Variants in PDE10A observed in about 807,000 individuals in gnomAD.
The protein encoded by PDE10A is cAMP and cAMP-inhibited cGMP 3',5'-cyclic phosphodiesterase 10A.
Under a neutral mutation model 97.7 loss-of-function variants are expected in PDE10A, and 39 were observed. The observed-to-expected ratio is 0.40, with a 90% CI of 0.31 to 0.52. The LOEUF is 0.52. PDE10A is among the 20% of genes least tolerant of loss of function. PDE10A has a pLI of 0.56. For synonymous variants in PDE10A, 371 were observed against 376.8 expected (o/e 0.98, Z 0.18); for missense variants, 731 against 1,047.8 (o/e 0.70, Z 4.17).
At chr6:165,946,217 C>T (rs1299635791) in intron 1 of PDE10A, among the ~76,000 whole-genome samples, 1 of 152,312 alleles carries the variant, frequency 6.6e-6, no homozygotes, top group Admixed American at 6.5e-5. Flanking sequence ...ATATTGTCGG[C>T]CAGGCTCAGT....
intron 2 of PDE10A, among the ~76,000 whole-genome samples, chr6:165,493,836 CTAA>C (rs2128289568): frequency 6.6e-6 from 1 of 152,158 alleles, no homozygotes; most frequent in East Asian, 1.9e-4. Context: ...CTTCCTTAAA[CTAA>C]TAAGCTTCTG....
chr6:165,731,756 C>A (rs1184186772), intron 1 of PDE10A, among the ~76,000 whole-genome samples: 1 of 152,110 alleles, frequency 6.6e-6, no homozygotes, highest in Admixed American at 6.5e-5. Flanking sequence ...GTGAGTGCTC[C>A]AGAAGAGTTA....
At chr6:165,712,823 G>A (rs564764690) in intron 1 of PDE10A, among the ~76,000 whole-genome samples, 72 of 151,988 alleles carry the variant, frequency 4.7e-4, no homozygotes, top group African/African-American at 1.7e-3. Flanking sequence ...GTATTTTTTA[G>A]TAGAGACGGA....
intron 13 of PDE10A, among the ~76,000 whole-genome samples, chr6:165,410,086 C>A (rs563914585): frequency 6.6e-6 from 1 of 152,236 alleles, no homozygotes; most frequent in South Asian, 2.1e-4. Flanking sequence ...ATATTCTTAA[C>A]TTTCACACAT....
At chr6:165,415,678 T>C (rs552650962) in intron 12 of PDE10A, among the ~76,000 whole-genome samples, 8 of 152,290 alleles carry the variant, frequency 5.3e-5, no homozygotes, top group South Asian at 2.1e-4. Flanking sequence ...AGCAACAAAA[T>C]TGGCATTATC....
At chr6:165,652,731 T>G (rs1583719953) in intron 1 of PDE10A, among the ~76,000 whole-genome samples, 1 of 152,344 alleles carries the variant, frequency 6.6e-6, no homozygotes, top group African/African-American at 2.4e-5. Flanking sequence ...ACACAGTACT[T>G]ACCAACTTTT....
At chr6:165,426,205 T>C (rs1033826384) in intron 10 of PDE10A, among the ~76,000 whole-genome samples, 129 of 152,292 alleles carry the variant, frequency 8.5e-4, no homozygotes, top group African/African-American at 2.9e-3. Flanking sequence ...ACTTCTAAAA[T>C]TTAAATGTAT....
At chr6:165,383,517 A>G (rs1191487601) in intron 17 of PDE10A, among the ~76,000 whole-genome samples, 5 of 152,052 alleles carry the variant, frequency 3.3e-5, no homozygotes, top group Admixed American at 3.3e-4. Flanking sequence ...GCCCCACCGG[A>G]CACAGCTACT....
At chr6:165,588,903 A>C (rs1786085433) in intron 1 of PDE10A, among the ~76,000 whole-genome samples, 2 of 152,306 alleles carry the variant, frequency 1.3e-5, no homozygotes, top group African/African-American at 2.4e-5. Context: ...CATAGCCCTA[A>C]CACACAGGAA....
At chr6:165,824,968 TA>T (rs71890265) in intron 1 of PDE10A, among the ~76,000 whole-genome samples, 7,870 of 92,326 alleles carry the variant, frequency 0.085, 283 homozygotes, top group Non-Finnish European at 0.11. Context: ...CCGTCTCTAC[TA>T]AAAAAAAAAA....
intron 1 of PDE10A, among the ~76,000 whole-genome samples, chr6:165,686,861 G>T (rs748216721): frequency 6.6e-6 from 1 of 152,196 alleles, no homozygotes; most frequent in South Asian, 2.1e-4. Flanking sequence ...TTACCTAAAC[G>T]TGTGAGCTGC....
At chr6:165,976,237 G>A (rs553420533) in intron 1 of PDE10A, among the ~76,000 whole-genome samples, 2 of 152,080 alleles carry the variant, frequency 1.3e-5, no homozygotes, top group Admixed American at 6.5e-5. Flanking sequence ...TATTATTATC[G>A]TGTAAGATAA....
At chr6:165,385,598 G>C (rs535291558) in intron 17 of PDE10A, among the ~76,000 whole-genome samples, 1 of 152,346 alleles carries the variant, frequency 6.6e-6, no homozygotes, top group Admixed American at 6.5e-5. Context: ...TTGGCAAATA[G>C]AAGGTGCTCA....
rs1790194286 is a variant in PDE10A, at chr6:165,660,554, G to C, written c.865+1393C>G. On this transcript the variant is annotated intron_variant, in intron 1 of 21. Coordinates refer to ENST00000539869, the MANE Select transcript of PDE10A (RefSeq NM_001385079.1). ...TGCAAGGAGCGGCCGATCCCGGCGC[G>C]AATACGCTCGCCAGCCCGGGGGCTG... 3.3e-5 allele frequency: 5 copies of C among 152,510 alleles called. No homozygotes were observed. The South Asian group carries it at 1.0e-3, about 32-fold the overall frequency. 9.4% of individuals were successfully genotyped at this position (152,510 alleles called of 1,614,324 possible). A position where few individuals can be genotyped will look rare whatever the true frequency, so the allele number is the denominator to read the frequency against.
intron 1 of PDE10A, among the ~76,000 whole-genome samples, chr6:165,913,396 G>T (rs779626129): frequency 2.6e-5 from 4 of 151,908 alleles, no homozygotes; most frequent in Non-Finnish European, 4.4e-5. Flanking sequence ...ATATAAAATG[G>T]TGTAGTGTTT....
rs1791059733 is a variant in PDE10A, at chr6:165,684,410, A to G, written c.-614-140842T>C. 2.6e-5 allele frequency among the ~76,000 whole-genome samples: 4 copies of G among 152,356 alleles called. No homozygotes were observed. The South Asian group carries it at 8.3e-4, about 32-fold the overall frequency. ...TATTTGTTCATCGAATAAGTGAACG[A>G]ATTGATGTCTCCAAAATAACGCCTC... On this transcript the variant is annotated intron_variant, in intron 1 of 19. Transcript: ENST00000366882.
chr6:165,664,082 C>T (rs1256807585), upstream of PDE10A, among the ~76,000 whole-genome samples: 1 of 152,162 alleles, frequency 6.6e-6, no homozygotes, highest in Non-Finnish European at 1.5e-5. Flanking sequence ...CACGGGCTGT[C>T]CGGACTGCCT....
intron 1 of PDE10A, chr6:165,987,473 TAA>T: frequency 2.9e-6 from 1 of 347,106 alleles, no homozygotes; most frequent in South Asian, 2.2e-5. Flanking sequence ...AGATTGGGAC[TAA>T]GTTTTTCTGG....
chr6:165,346,922 G>C (rs1208505638), intron 18 of PDE10A, among the ~76,000 whole-genome samples: 1 of 152,176 alleles, frequency 6.6e-6, no homozygotes, highest in Non-Finnish European at 1.5e-5. Flanking sequence ...GAGTGGTTAA[G>C]TGTTATCAAG....
Sources: allele counts gnomAD v4.1 joint callset (sites outside exome capture counted in the v4.1 genomes callset), GRCh38; gene constraint gnomAD v4.1.1; transcripts MANE v1.5; gene names NCBI Gene and HGNC (gene_info 2026-07-23, HGNC 2026-07-21).